The following PRKN variants were observed in gnomAD, a reference collection of about 807,000 sequenced individuals.
PRKN encodes the protein E3 ubiquitin-protein ligase parkin.
In PRKN, 56 loss-of-function variants were observed where a neutral mutation model predicts 59.5. The observed-to-expected ratio is 0.94, with a 90% CI of 0.76 to 1.18. The LOEUF (loss-of-function observed/expected upper bound fraction) is 1.18. Among genes scored for constraint, PRKN ranks in the 50% most tolerant of loss-of-function variants. The pLI is 0.00. For synonymous variants in PRKN, 250 were observed against 222.1 expected, an observed-to-expected ratio of 1.13 and a Z score of -1.12; for missense variants, 657 against 596.4, an observed-to-expected ratio of 1.10 and a Z score of -1.06.
chr6:162,007,090 G>A (rs1782286266), intron 5 of PRKN, among the ~76,000 whole-genome samples: 1 of 152,030 alleles, frequency 6.6e-6, no homozygotes, highest in Admixed American at 6.6e-5. Flanking sequence ...TTAGAAGAAC[G>A]ATGGAAAATG....
At chr6:162,616,035 C>T (rs1782394706) in intron 1 of PRKN, among the ~76,000 whole-genome samples, 1 of 152,176 alleles carries the variant, frequency 6.6e-6, no homozygotes, top group African/African-American at 2.4e-5. Flanking sequence ...ATATTCAAAA[C>T]CATGAGCTGT....
At chr6:161,541,635 A>G (rs972880853) in intron 9 of PRKN, among the ~76,000 whole-genome samples, 1 of 152,112 alleles carries the variant, frequency 6.6e-6, no homozygotes, top group African/African-American at 2.4e-5. Context: ...AGCCTGACCA[A>G]CATGGTGCAA....
intron 7 of PRKN, among the ~76,000 whole-genome samples, chr6:161,621,745 G>C (rs1456212238): frequency 6.6e-6 from 1 of 152,076 alleles, no homozygotes; most frequent in Non-Finnish European, 1.5e-5. Context: ...TTGGTTCATA[G>C]GAAAGAACTT....
chr6:161,486,661 C>T (rs1466830681), intron 9 of PRKN, among the ~76,000 whole-genome samples: 2 of 152,148 alleles, frequency 1.3e-5, no homozygotes, highest in Admixed American at 1.3e-4. Context: ...AAAGCAAAAC[C>T]TTAGGGATGC....
intron 1 of PRKN, among the ~76,000 whole-genome samples, chr6:162,615,452 T>C (rs1782367984): frequency 6.6e-6 from 1 of 152,060 alleles, no homozygotes. Flanking sequence ...GATGGATTTT[T>C]TTTTTAGACC....
At chr6:162,029,395 C>A (rs1203216169) in intron 5 of PRKN, among the ~76,000 whole-genome samples, 1 of 152,178 alleles carries the variant, frequency 6.6e-6, no homozygotes, top group Non-Finnish European at 1.5e-5. Context: ...GTCTCTCAAT[C>A]ATTAGTAAGG....
At chr6:162,226,740 G>A (rs779620036) in intron 3 of PRKN, among the ~76,000 whole-genome samples, 72 of 152,126 alleles carry the variant, frequency 4.7e-4, no homozygotes, top group Admixed American at 1.2e-3. Context: ...CACCGTGTTG[G>A]TCAGGCTGAT....
rs1787491225 is a variant in PRKN at position 161,410,603 on chromosome 6, C to T, written c.1084-23726G>A. On this transcript the variant is annotated intron_variant, in intron 9 of 11. Transcript: ENST00000366898. The surrounding 1 kb of genome is among the most constrained non-coding windows in gnomAD (Gnocchi z 5.3). ...GCGAGAGGGGAAGGGCGAGCTATTT[C>T]CTCCATTCTGGTGCTCATCGTGGGC... is the stretch of plus-strand genomic sequence containing the variant. Among the ~76,000 whole-genome samples, 1 of 152,118 alleles carries T rather than the reference C, an allele frequency of 6.6e-6. No homozygotes were observed. Among genetic ancestry groups the T allele is most frequent in the African/African-American group, 2.4e-5 (1 of 41,406 alleles).
intron 5 of PRKN, among the ~76,000 whole-genome samples, chr6:161,988,184 T>A (rs1002131283): frequency 6.6e-6 from 1 of 151,714 alleles, no homozygotes; most frequent in African/African-American, 2.4e-5. Context: ...GAAAAAAAAT[T>A]TTTTTTTTAA....
At chr6:162,477,437 G>A (rs1309655424) in intron 1 of PRKN, among the ~76,000 whole-genome samples, 1 of 152,188 alleles carries the variant, frequency 6.6e-6, no homozygotes, top group Non-Finnish European at 1.5e-5. Flanking sequence ...ATTTTTGACA[G>A]CATCTATACT....
chr6:162,689,117 G>C (rs1477514973), intron 1 of PRKN, among the ~76,000 whole-genome samples: 1 of 152,278 alleles, frequency 6.6e-6, no homozygotes, highest in East Asian at 1.9e-4. Flanking sequence ...AATTTGTCAA[G>C]ATCAGGTGAA....
At chr6:161,512,299 CCT>C (rs34649279) in intron 9 of PRKN, among the ~76,000 whole-genome samples, 24,808 of 152,066 alleles carry the variant, frequency 0.16, 2,387 homozygotes, top group Middle Eastern at 0.29. Flanking sequence ...ATGACCCCCC[CCT>C]GAAAATCAAA....
chr6:162,050,098 T>C (rs1322893488), intron 5 of PRKN, among the ~76,000 whole-genome samples: 1 of 152,196 alleles, frequency 6.6e-6, no homozygotes, highest in Non-Finnish European at 1.5e-5. Context: ...AGTCTCCTTT[T>C]CCTGGGATGC....
chr6:162,025,884 C>T (rs551152416), intron 5 of PRKN, among the ~76,000 whole-genome samples: 2 of 152,118 alleles, frequency 1.3e-5, no homozygotes, highest in South Asian at 4.2e-4. Context: ...GCACTGCCCC[C>T]GGGCCATGGT....
chr6:162,181,855 G>C (rs1030425800), intron 4 of PRKN, among the ~76,000 whole-genome samples: 1 of 152,176 alleles, frequency 6.6e-6, no homozygotes, highest in Non-Finnish European at 1.5e-5. Context: ...AATAAGAAAA[G>C]AGGTTCTGAA....
intron 3 of PRKN, among the ~76,000 whole-genome samples, chr6:162,248,223 A>G (rs539672200): frequency 6.6e-6 from 1 of 152,286 alleles, no homozygotes; most frequent in South Asian, 2.1e-4. Flanking sequence ...TCTGTTACTA[A>G]TCGAACATTT....
At chr6:161,787,739 G>A (rs1302715154) in intron 6 of PRKN, among the ~76,000 whole-genome samples, 1 of 152,180 alleles carries the variant, frequency 6.6e-6, no homozygotes, top group Non-Finnish European at 1.5e-5. Flanking sequence ...GAGGTCAGGA[G>A]ATGGAGATCA....
At chr6:162,510,458 G>A (rs1324537275) in intron 1 of PRKN, among the ~76,000 whole-genome samples, 1 of 152,166 alleles carries the variant, frequency 6.6e-6, no homozygotes, top group African/African-American at 2.4e-5. Context: ...TTGGCATGCA[G>A]CCCTTGTTTA....
chr6:161,557,548 GGGGAAA>G (rs1780283116), intron 8 of PRKN, among the ~76,000 whole-genome samples: 1 of 152,048 alleles, frequency 6.6e-6, no homozygotes, highest in Non-Finnish European at 1.5e-5. Flanking sequence ...GTGTGGCTAT[GGGGAAA>G]CCAAGCGTAA....
Sources: allele counts gnomAD v4.1 joint callset (sites outside exome capture counted in the v4.1 genomes callset), GRCh38; gene constraint gnomAD v4.1.1; non-coding constraint Gnocchi (gnomAD v3.1); transcripts MANE v1.5; gene names NCBI Gene and HGNC (gene_info 2026-07-23, HGNC 2026-07-21).